RGS7: variants seen among roughly 807,000 people sequenced by gnomAD.
RGS7 encodes the protein regulator of G-protein signaling 7.
Under a neutral mutation model 81.1 loss-of-function variants are expected in RGS7, and 27 were observed. The ratio of observed to expected loss-of-function variants is 0.33; its 90% CI spans 0.25 to 0.46. The LOEUF (loss-of-function observed/expected upper bound fraction) is 0.46. RGS7 is among the 20% of genes least tolerant of loss of function. The pLI is 1.00. For missense variants in RGS7, 396 were observed against 607.4 expected, an observed-to-expected ratio of 0.65 and a Z score of 3.66; for synonymous variants, 208 against 207.7, an observed-to-expected ratio of 1.00 and a Z score of -0.01.
Position 241,336,186 on chromosome 1 carries a change from C to T in RGS7, c.78+19513G>A, listed in dbSNP as rs199859153. Reference sequence around the variant, plus strand: ...AAATATTTTGATGGCACATCAGATTCGCTTTAGAGCCACATGTCCCAGTAG... The same window carrying T: ...AAATATTTTGATGGCACATCAGATTTGCTTTAGAGCCACATGTCCCAGTAG... On this transcript the variant is annotated intron_variant, in intron 2 of 18. Transcript: ENST00000440928. 9.2e-5 allele frequency among the ~76,000 whole-genome samples: 14 copies of T among 152,170 alleles called. No homozygotes were observed. The East Asian group carries it at 1.9e-3, about 21-fold the overall frequency.
intron 9 of RGS7, among the ~76,000 whole-genome samples, chr1:240,830,913 C>T (rs1163403427): frequency 6.6e-6 from 1 of 152,200 alleles, no homozygotes; most frequent in Middle Eastern, 3.2e-3. Context: ...GAAGTTTCAT[C>T]CTCATATTTA....
chr1:241,076,958 C>T (rs1265901354), intron 3 of RGS7, among the ~76,000 whole-genome samples: 1 of 152,208 alleles, frequency 6.6e-6, no homozygotes, highest in African/African-American at 2.4e-5. Flanking sequence ...TCATGCTCTA[C>T]ATTAATTACA....
intron 4 of RGS7, among the ~76,000 whole-genome samples, chr1:240,955,583 A>AAAAC (rs1428471719): frequency 3.3e-5 from 3 of 91,284 alleles, no homozygotes; most frequent in African/African-American, 1.1e-4. Context: ...AAAAAAAAAA[A>AAAAC]CCGATTTGGA....
intron 2 of RGS7, among the ~76,000 whole-genome samples, chr1:241,167,005 C>G (rs1227214685): frequency 6.6e-6 from 1 of 152,182 alleles, no homozygotes; most frequent in Non-Finnish European, 1.5e-5. Flanking sequence ...CTCTTCCTCT[C>G]CAAATGAGAG....
intron 2 of RGS7, among the ~76,000 whole-genome samples, chr1:241,315,104 C>CTTTTTT (rs2080788834): frequency 3.2e-4 from 11 of 34,142 alleles, no homozygotes; most frequent in East Asian, 2.6e-3. Context: ...TTTTCTTCTT[C>CTTTTTT]TTCTTTTTTT....
intron 4 of RGS7, among the ~76,000 whole-genome samples, chr1:240,978,309 ATC>A (rs1684443517): frequency 6.6e-6 from 1 of 152,230 alleles, no homozygotes; most frequent in Non-Finnish European, 1.5e-5. Flanking sequence ...TTATAATAGT[ATC>A]TATATATACC....
chr1:241,030,523 C>CACACACACACA (rs1377991473), intron 3 of RGS7, among the ~76,000 whole-genome samples: 1 of 150,252 alleles, frequency 6.7e-6, no homozygotes, highest in Non-Finnish European at 1.5e-5. Context: ...CACACACACA[C>CACACACACACA]ATCCTTCTTT....
intron 6 of RGS7, among the ~76,000 whole-genome samples, chr1:240,881,101 T>C (rs1276146357): frequency 1.3e-5 from 2 of 152,182 alleles, no homozygotes; most frequent in East Asian, 3.8e-4. Flanking sequence ...ATTATTCTTA[T>C]TTTCATGCTA....
chr1:240,853,542 TG>T (rs1660471775), intron 9 of RGS7, among the ~76,000 whole-genome samples: 1 of 152,074 alleles, frequency 6.6e-6, no homozygotes, highest in Non-Finnish European at 1.5e-5. Flanking sequence ...CAATATCACT[TG>T]CAAAAATTGG....
At chr1:240,942,547 A>AT (rs1202811690) in intron 4 of RGS7, among the ~76,000 whole-genome samples, 1 of 152,156 alleles carries the variant, frequency 6.6e-6, no homozygotes, top group Non-Finnish European at 1.5e-5. Flanking sequence ...ATGTATTAAC[A>AT]TTTTTTTCAT....
At chr1:240,989,182 G>A (rs561648980) in intron 3 of RGS7, among the ~76,000 whole-genome samples, 1 of 151,974 alleles carries the variant, frequency 6.6e-6, no homozygotes, top group East Asian at 1.9e-4. Context: ...GCTCACGCTT[G>A]TAATCCCAGC....
At chr1:241,181,353 G>A (rs778785596) in intron 2 of RGS7, among the ~76,000 whole-genome samples, 4 of 152,098 alleles carry the variant, frequency 2.6e-5, no homozygotes, top group Non-Finnish European at 5.9e-5. Flanking sequence ...GAATTTTATC[G>A]TGATCTTAAA....
intron 6 of RGS7, among the ~76,000 whole-genome samples, chr1:240,922,851 T>C (rs1382766147): frequency 6.6e-6 from 1 of 152,106 alleles, no homozygotes; most frequent in Non-Finnish European, 1.5e-5. Flanking sequence ...TCCACTTTCC[T>C]AGGTATTTGC....
At chr1:240,788,881 T>C (rs1377302994) in intron 18 of RGS7, among the ~76,000 whole-genome samples, 1 of 152,200 alleles carries the variant, frequency 6.6e-6, no homozygotes, top group East Asian at 1.9e-4. Flanking sequence ...TTCACGCCTG[T>C]AATCCCAGCA....
chr1:241,083,005 A>G (rs914470410), intron 3 of RGS7, among the ~76,000 whole-genome samples: 6 of 152,138 alleles, frequency 3.9e-5, no homozygotes, highest in African/African-American at 1.4e-4. Flanking sequence ...CACACGGGTC[A>G]CTTGAGGTCA....
At chr1:241,167,774 T>A (rs2070385797) in intron 2 of RGS7, among the ~76,000 whole-genome samples, 1 of 152,088 alleles carries the variant, frequency 6.6e-6, no homozygotes, top group Non-Finnish European at 1.5e-5. Flanking sequence ...CGCCTCAGCC[T>A]CCCAAAGTAC....
At chr1:240,801,412 A>T (rs1218612173) in intron 17 of RGS7, 43 bp downstream of exon 17, 1 of 1,339,150 alleles carries the variant, frequency 7.5e-7, no homozygotes, top group Non-Finnish European at 1.1e-6. Context: ...GAAAAATTTC[A>T]TTGGACTTAA....
intron 2 of RGS7, among the ~76,000 whole-genome samples, chr1:241,187,514 TA>T (rs1222206091): frequency 6.6e-6 from 1 of 152,194 alleles, no homozygotes; most frequent in Admixed American, 6.5e-5. Flanking sequence ...GAAGGCTCCT[TA>T]AAAAGGTACT....
At chr1:240,887,651 A>T (rs2148126308) in intron 6 of RGS7, among the ~76,000 whole-genome samples, 1 of 152,320 alleles carries the variant, frequency 6.6e-6, no homozygotes, top group Non-Finnish European at 1.5e-5. Flanking sequence ...TTTGTAAACA[A>T]TATCGATTAA....
Sources: allele counts gnomAD v4.1 joint callset (sites outside exome capture counted in the v4.1 genomes callset), GRCh38; gene constraint gnomAD v4.1.1; transcripts MANE v1.5; gene names NCBI Gene and HGNC (gene_info 2026-07-23, HGNC 2026-07-21).